The following CCDC18 variants were observed in gnomAD, a reference collection of about 807,000 sequenced individuals.
CCDC18 encodes the protein coiled-coil domain containing 18, also known as coiled-coil domain-containing protein 18.
CCDC18 carries 157 observed loss-of-function variants against 196.0 expected under a neutral mutation model. That is an observed-to-expected ratio of 0.80 (90% confidence interval 0.70 to 0.91). The LOEUF is 0.91. Among genes scored for constraint, CCDC18 ranks in the 40% least tolerant of loss-of-function variants. CCDC18 has a pLI of 0.00. For synonymous variants in CCDC18, 482 were observed against 529.2 expected, an observed-to-expected ratio of 0.91 and a Z score of 1.22; for missense variants, 1,465 against 1,611.6, an observed-to-expected ratio of 0.91 and a Z score of 1.56.
At chr1:93,216,935 C>CTCT (rs781629982) in intron 13 of CCDC18, among the ~76,000 whole-genome samples, 189 bp downstream of exon 13, 39 of 132,754 alleles carry the variant, frequency 2.9e-4, no homozygotes, top group East Asian at 4.2e-4. Context: ...CAAGTTTTCT[C>CTCT]TTTTTTTTTT....
chr1:93,244,900 G>A (rs1315710774), intron 21 of CCDC18, among the ~76,000 whole-genome samples: 1 of 144,260 alleles, frequency 6.9e-6, no homozygotes, highest in East Asian at 1.9e-4. Flanking sequence ...CAGTTACATG[G>A]TCAGCTTCTT....
At position 93,254,627 on chromosome 1, in the gene CCDC18, T is replaced by G; in HGVS notation, c.3342+13T>G. On this transcript the variant is annotated intron_variant, in intron 24 of 28. Transcript: ENST00000690025. ...AGAAATGGAGAGTGTAAGCAAATTA[T>G]TTCCACCTAAGGAACAAGTGGTAGT... 6.2e-7 allele frequency: 1 copy of G among 1,603,818 alleles called. No individual in the cohort carries two copies. The highest frequency in any genetic ancestry group is 8.5e-7 in the Non-Finnish European group (1 of 1,175,722).
intron 21 of CCDC18, among the ~76,000 whole-genome samples, chr1:93,240,852 C>T (rs1334271796): frequency 6.6e-6 from 1 of 152,224 alleles, no homozygotes; most frequent in Non-Finnish European, 1.5e-5. Context: ...TCTCCTAACT[C>T]AGTATCATGC....
intron 4 of CCDC18, among the ~76,000 whole-genome samples, chr1:93,188,573 C>T (rs1651121165): frequency 6.6e-6 from 1 of 152,208 alleles, no homozygotes; most frequent in Non-Finnish European, 1.5e-5. Context: ...TTACTCCCTT[C>T]TATCTTCCAG....
chr1:93,254,831 G>C (rs1662720970), intron 24 of CCDC18, among the ~76,000 whole-genome samples: 1 of 149,214 alleles, frequency 6.7e-6, no homozygotes, highest in Non-Finnish European at 1.5e-5. Flanking sequence ...ATTTATCTCT[G>C]TATACAGGCC....
At chr1:93,243,326 C>T (rs1202072763) in intron 21 of CCDC18, among the ~76,000 whole-genome samples, 3 of 152,240 alleles carry the variant, frequency 2.0e-5, no homozygotes, top group African/African-American at 4.8e-5. Flanking sequence ...TCTGAAGCCA[C>T]GGCCTGTGCT....
chr1:93,180,366 GC>G, upstream of CCDC18: 1 of 1,317,238 alleles, frequency 7.6e-7, no homozygotes, highest in Non-Finnish European at 1.0e-6. Flanking sequence ...CCAGGTGGCG[GC>G]CGCGGCGGCG....
chr1:93,225,641 G>A (rs1193652435), intron 16 of CCDC18, among the ~76,000 whole-genome samples: 6 of 152,062 alleles, frequency 3.9e-5, no homozygotes, highest in Admixed American at 1.3e-4. Flanking sequence ...GCAAGACATG[G>A]TGGTGCATAC....
chr1:93,277,877 A>T (rs6541404), intron 28 of CCDC18, among the ~76,000 whole-genome samples: 71,974 of 152,018 alleles, frequency 0.47, 20,222 homozygotes, highest in African/African-American at 0.79. Flanking sequence ...CACTGATGCC[A>T]AAATGTTATA....
At chr1:93,276,580 A>G (rs1262299667) in intron 28 of CCDC18, among the ~76,000 whole-genome samples, 1 of 152,202 alleles carries the variant, frequency 6.6e-6, no homozygotes, top group African/African-American at 2.4e-5. Flanking sequence ...GAAATTAGCT[A>G]TAGGGAAAAC....
At chr1:93,234,519 T>C (rs1236881222) in intron 18 of CCDC18, among the ~76,000 whole-genome samples, 1 of 152,188 alleles carries the variant, frequency 6.6e-6, no homozygotes. Flanking sequence ...GATTTTGTGT[T>C]CTCATTAGCT....
At chr1:93,221,791 T>C (rs780910386) in intron 15 of CCDC18, 48 bp downstream of exon 15, 2 of 1,591,988 alleles carry the variant, frequency 1.3e-6, no homozygotes, top group Non-Finnish European at 1.7e-6. Flanking sequence ...ACTAATATTT[T>C]ATGTCTCTAT....
intron 21 of CCDC18, among the ~76,000 whole-genome samples, chr1:93,241,701 G>A (rs1660808375): frequency 8.2e-6 from 1 of 121,576 alleles, no homozygotes; most frequent in Non-Finnish European, 1.6e-5. Context: ...TCCAGCCTGA[G>A]TGACAGAGTG....
Position 93,246,828 on chromosome 1 carries a change from TA to T in CCDC18, c.3082-9del, listed in dbSNP as rs1369419986. 2.4e-6 allele frequency: 3 copies of T among 1,234,646 alleles called. No homozygotes were observed. The highest frequency in any genetic ancestry group is 3.0e-5 in the African/African-American group (2 of 66,382). The allele number at this position is 1,234,646 out of a possible 1,614,324, so 76.5% of individuals were successfully genotyped here. On this transcript the variant is annotated splice_polypyrimidine_tract_variant and intron_variant, in intron 22 of 28. Coordinates refer to ENST00000690025, the MANE Select transcript of CCDC18 (RefSeq NM_001378204.1). The stretch of plus-strand genomic sequence containing the variant: ...ATAAAATTGAACAACAGTTTAAGGT[TA>T]TTTTTTAGGTTACACATTTGGATAT...
chr1:93,258,562 A>G lies in CCDC18; in HGVS notation c.3547-186A>G, dbSNP rs1274002083. On this transcript the variant is annotated intron_variant, in intron 25 of 28. Transcript: ENST00000690025. ...ATGATGACAGCAAACAATTATATTA[A>G]TACTCTCCCATTAATAGTCTCTGAA... 5.3e-5 allele frequency among the ~76,000 whole-genome samples: 8 copies of G among 152,298 alleles called. No homozygotes were observed. The South Asian group carries it at 1.4e-3, about 28-fold the overall frequency.
chr1:93,274,868 T>C (rs1284143067), intron 28 of CCDC18, among the ~76,000 whole-genome samples: 1 of 152,208 alleles, frequency 6.6e-6, no homozygotes, highest in Non-Finnish European at 1.5e-5. Flanking sequence ...ACTTAAAGAT[T>C]GGATTCTTAA....
chr1:93,191,088 ATTT>A (rs5776172), intron 4 of CCDC18: 38,737 of 464,044 alleles, frequency 0.083, no homozygotes, highest in South Asian at 0.14. Flanking sequence ...CAGCAAGGAG[ATTT>A]TTTTTTTTTT....
At chr1:93,201,644 T>C (rs1653849802) in intron 6 of CCDC18, among the ~76,000 whole-genome samples, 1 of 150,402 alleles carries the variant, frequency 6.6e-6, no homozygotes. Context: ...CACATAAGAA[T>C]TTATATATAT....
At chr1:93,230,193 G>C (rs809515) in intron 17 of CCDC18, among the ~76,000 whole-genome samples, 2 of 151,698 alleles carry the variant, frequency 1.3e-5, no homozygotes, top group East Asian at 3.9e-4. Context: ...AATTTGTTCT[G>C]TATTTACTTT....
Sources: gnomAD v4.1 joint callset for allele counts (sites outside exome capture counted in the v4.1 genomes callset) on GRCh38, gnomAD v4.1.1 for gene constraint, MANE v1.5 for transcripts, NCBI Gene and HGNC (gene_info 2026-07-23, HGNC 2026-07-21) for gene names.